FARS2: variants seen among roughly 807,000 people sequenced by gnomAD.
FARS2 encodes the protein phenylalanine--tRNA ligase, mitochondrial.
In FARS2, 40 loss-of-function variants were observed where a neutral mutation model predicts 46.4. The observed-to-expected ratio is 0.86, with a 90% CI of 0.67 to 1.12. The LOEUF is 1.12. Among genes scored for constraint, FARS2 ranks in the 50% most tolerant of loss-of-function variants. The pLI, the probability that FARS2 is intolerant of heterozygous loss-of-function variation, is 0.00. For synonymous variants in FARS2, 234 were observed against 214.9 expected, an observed-to-expected ratio of 1.09 and a Z score of -0.78; for missense variants, 513 against 567.9, an observed-to-expected ratio of 0.90 and a Z score of 0.98.
chr6:5,539,776 A>G (rs1268367721), intron 4 of FARS2, among the ~76,000 whole-genome samples: 1 of 152,180 alleles, frequency 6.6e-6, no homozygotes. Context: ...TCTTGTGGCC[A>G]TTTCAAATGC....
chr6:5,324,104 C>T (rs753994648), intron 1 of FARS2, among the ~76,000 whole-genome samples: 4 of 152,198 alleles, frequency 2.6e-5, no homozygotes, highest in South Asian at 2.1e-4. Flanking sequence ...TAAGAGAAAG[C>T]GCTCCTGACT....
chr6:5,279,467 G>A (rs1766574832), intron 1 of FARS2, among the ~76,000 whole-genome samples: 1 of 150,788 alleles, frequency 6.6e-6, no homozygotes, highest in East Asian at 1.9e-4. Flanking sequence ...AATGACAAGT[G>A]TATATAAATG....
In FARS2 at chr6:5,658,031, C is replaced by T. The variant is rs374213132; in HGVS notation, c.1217+44711C>T. On this transcript the variant is annotated intron_variant, in intron 6 of 6. Coordinates refer to ENST00000274680, the MANE Select transcript of FARS2 (RefSeq NM_006567.5). The stretch of plus-strand genomic sequence containing the variant: ...ACTTAGATTGGGAGGCCGAGGTGGG[C>T]GGATCACCTGAGGTGGGGAATTCAA... Among the ~76,000 whole-genome samples the T allele has an allele frequency of 1.2e-4, 19 of 152,206 alleles. 1 individual carries two copies. The South Asian group carries it at 2.9e-3, about 23-fold the overall frequency.
intron 6 of FARS2, among the ~76,000 whole-genome samples, chr6:5,644,239 G>A (rs908161246): frequency 1.3e-5 from 2 of 151,158 alleles, no homozygotes; most frequent in Admixed American, 6.6e-5. Context: ...CTTTTTTTGA[G>A]ACAGGGTCTC....
rs182975849 is a variant in FARS2 at position 5,748,987 on chromosome 6, G to A, written c.1218-22304G>A. Among the ~76,000 whole-genome samples the A allele has an allele frequency of 7.3e-3, 1,109 of 152,306 alleles. 15 individuals carry two copies. The highest frequency in any genetic ancestry group is 0.025 in the African/African-American group (1,020 of 41,574). On this transcript the variant is annotated intron_variant, in intron 6 of 6. Coordinates refer to ENST00000274680, the MANE Select transcript of FARS2 (RefSeq NM_006567.5). ...ATGTTCATTACTGTTATGATGAAAC[G>A]AGAGGCTATGGCTTGGTTTATAGCC...
chr6:5,458,618 A>G (rs1334772835), intron 4 of FARS2, among the ~76,000 whole-genome samples: 7 of 152,160 alleles, frequency 4.6e-5, no homozygotes, highest in Admixed American at 1.3e-4. Context: ...ATACACGTGG[A>G]TAATATTGAG....
chr6:5,523,933 G>A (rs967413525), intron 4 of FARS2, among the ~76,000 whole-genome samples: 1 of 152,118 alleles, frequency 6.6e-6, no homozygotes, highest in African/African-American at 2.4e-5. Context: ...TAGGAGTGAG[G>A]GAAAGGCAAT....
intron 2 of FARS2, among the ~76,000 whole-genome samples, chr6:5,369,779 G>A (rs919295582): frequency 2.6e-5 from 4 of 152,058 alleles, no homozygotes; most frequent in Non-Finnish European, 5.9e-5. Flanking sequence ...GATGATGCAT[G>A]GAGCCTTTTC....
Position 5,326,317 on chromosome 6 carries a change from C to G in FARS2, c.-21-42233C>G, listed in dbSNP as rs143416880. On this transcript the variant is annotated intron_variant, in intron 1 of 6. Coordinates refer to ENST00000274680, the MANE Select transcript of FARS2 (RefSeq NM_006567.5). ...GCTAGTGACTGAAAGGACATTTCTT[C>G]TGTTCTGAGTAGAACAGTCACAGAT... 6.3e-3 allele frequency among the ~76,000 whole-genome samples: 963 copies of G among 152,340 alleles called. 1 individual carries two copies. Among genetic ancestry groups the G allele is most frequent in the Non-Finnish European group, 0.011 (743 of 68,024 alleles).
intron 6 of FARS2, among the ~76,000 whole-genome samples, chr6:5,733,877 G>C (rs141093106): frequency 3.9e-5 from 6 of 152,142 alleles, no homozygotes; most frequent in Non-Finnish European, 8.8e-5. Context: ...TCTGGACTTC[G>C]TTTTCTTACA....
chr6:5,594,744 G>A (rs1227466730), intron 5 of FARS2, among the ~76,000 whole-genome samples: 1 of 152,206 alleles, frequency 6.6e-6, no homozygotes, highest in Non-Finnish European at 1.5e-5. Context: ...GAGCTCAGAG[G>A]AGGGACCCGT....
intron 5 of FARS2, among the ~76,000 whole-genome samples, chr6:5,553,797 A>C (rs987372358): frequency 6.6e-6 from 1 of 152,144 alleles, no homozygotes; most frequent in Non-Finnish European, 1.5e-5. Flanking sequence ...GGTGCCTGGG[A>C]TTCTGCATTT....
intron 3 of FARS2, among the ~76,000 whole-genome samples, chr6:5,418,208 G>A (rs1277590461): frequency 6.6e-6 from 1 of 151,970 alleles, no homozygotes; most frequent in Non-Finnish European, 1.5e-5. Context: ...TGATTCTTCT[G>A]TACTTTGTAT....
Position 5,471,702 on chromosome 6 carries a change from T to C in FARS2, c.904+40530T>C, listed in dbSNP as rs1018525140. Reference sequence around the variant, plus strand: ...AGGCAGATCATATTCTGTATGATCTTGTTGGCTCATATTATGTGGTGATTA... The same window carrying C: ...AGGCAGATCATATTCTGTATGATCTCGTTGGCTCATATTATGTGGTGATTA... On this transcript the variant is annotated intron_variant, in intron 4 of 6. Transcript: ENST00000274680. This position sits in a 1 kb window ranked among gnomAD's most constrained non-coding sequence, Gnocchi z 4.1. 6.6e-6 allele frequency among the ~76,000 whole-genome samples: 1 copy of C among 152,200 alleles called. No homozygotes were observed. The highest frequency in any genetic ancestry group is 1.5e-5 in the Non-Finnish European group (1 of 68,036).
chr6:5,568,035 A>G (rs1335882717), intron 5 of FARS2, among the ~76,000 whole-genome samples: 2 of 152,204 alleles, frequency 1.3e-5, no homozygotes, highest in African/African-American at 4.8e-5. Context: ...AGTTGTTGTG[A>G]AAAGAGATGA....
chr6:5,460,220 C>T (rs1360267017), intron 4 of FARS2, among the ~76,000 whole-genome samples: 1 of 152,146 alleles, frequency 6.6e-6, no homozygotes, highest in Non-Finnish European at 1.5e-5. Context: ...TGCAAATTGC[C>T]TGAACTGACT....
At chr6:5,659,434 C>T (rs865872759) in intron 6 of FARS2, among the ~76,000 whole-genome samples, 4 of 152,218 alleles carry the variant, frequency 2.6e-5, no homozygotes, top group African/African-American at 9.6e-5. Flanking sequence ...ACTCACAGTA[C>T]AGCGAAGTGA....
At chr6:5,544,740 A>T (rs1234279013) in intron 4 of FARS2, among the ~76,000 whole-genome samples, 2 of 152,222 alleles carry the variant, frequency 1.3e-5, no homozygotes, top group Non-Finnish European at 2.9e-5. Flanking sequence ...AGTTCGTTCT[A>T]AACATGTTAT....
intron 5 of FARS2, among the ~76,000 whole-genome samples, chr6:5,564,799 C>T (rs12209230): frequency 7.2e-5 from 11 of 152,280 alleles, no homozygotes; most frequent in East Asian, 3.9e-4. Context: ...CCTATCCTCT[C>T]GAGGTCCCAA....
Sources: allele counts gnomAD v4.1 joint callset (sites outside exome capture counted in the v4.1 genomes callset), GRCh38; gene constraint gnomAD v4.1.1; non-coding constraint Gnocchi (gnomAD v3.1); transcripts MANE v1.5; gene names NCBI Gene and HGNC (gene_info 2026-07-23, HGNC 2026-07-21).